Variants in ATRIP observed in about 807,000 individuals in gnomAD.
ATRIP encodes ATR interacting protein.
In ATRIP, 44 loss-of-function variants were observed where a neutral mutation model predicts 78.1. The observed-to-expected ratio is 0.56, with a 90% CI of 0.44 to 0.72. The LOEUF is 0.72. Ranked by LOEUF, ATRIP falls within the 30% of genes least tolerant of loss-of-function variation. The pLI, the probability that ATRIP is intolerant of heterozygous loss-of-function variation, is 0.00. For synonymous variants in ATRIP, 388 were observed against 408.9 expected (o/e 0.95, Z 0.62); for missense variants, 927 against 980.2 (o/e 0.95, Z 0.72).
chr3:48,459,360 T>C lies in ATRIP; in HGVS notation c.831T>C (p.Asp277=). 1 of 1,613,112 alleles carries C rather than the reference T, an allele frequency of 6.2e-7. No homozygotes were observed. The highest frequency in any genetic ancestry group is 8.5e-7 in the Non-Finnish European group (1 of 1,179,130). The change falls in exon 6 of 13, where the codon GAT becomes GAC. Residue 277 remains aspartate, a splice_region_variant and synonymous_variant. Transcript: ENST00000320211. ...GATTTACATTTTATCACATTTCAGA[T>C]AGTAAGCCCCACAGTCTGAGAGGTG... ...SGYKPLVGRE[D]SKPHSLRGDS... is the part of the protein sequence containing the mutation.
At chr3:48,451,545 T>C (rs1225163058) in intron 2 of ATRIP, among the ~76,000 whole-genome samples, 184 bp from the exon 3 acceptor site, 2 of 152,220 alleles carry the variant, frequency 1.3e-5, no homozygotes, top group Non-Finnish European at 2.9e-5. Context: ...TCTTGATGAA[T>C]ATCAGCTGTC....
At position 48,466,603 on chromosome 3, in the gene ATRIP, A is replaced by G; in HGVS notation, c.*1049A>G. ...CTTCGGATCTTAACACTGGGCACTC[A>G]CACACCCACCCCATGCTCCTCTCCA... On this transcript the variant is annotated 3_prime_UTR_variant, in exon 13 of 13. Coordinates refer to ENST00000320211, the MANE Select transcript of ATRIP (RefSeq NM_130384.3). 2 of 1,612,464 alleles carry G rather than the reference A, an allele frequency of 1.2e-6. No homozygotes were observed. Among genetic ancestry groups the G allele is most frequent in the South Asian group, 2.2e-5 (2 of 90,998 alleles).
intron 10 of ATRIP, 130 bp downstream of exon 10, chr3:48,464,262 TA>T: frequency 1.2e-6 from 1 of 859,622 alleles, no homozygotes; most frequent in Middle Eastern, 2.5e-4. Context: ...ATAAAGCAAC[TA>T]AAGAGGTAAA....
intron 2 of ATRIP, 30 bp downstream of exon 2, chr3:48,450,200 C>CTAA (rs1560101859): frequency 1.3e-6 from 2 of 1,594,806 alleles, no homozygotes; most frequent in Non-Finnish European, 1.7e-6. Context: ...GTTTTTGTAG[C>CTAA]TAATTCATTC....
In ATRIP at chr3:48,465,533, C is replaced by A; in HGVS notation, c.2355C>A (p.Asp785Glu). 6.2e-7 allele frequency: 1 copy of A among 1,613,908 alleles called. No individual in the cohort carries two copies. ...DLCAAETDVE[D>E]PEVECG ...GTGCCGCGGAAACCGATGTGGAAGA[C>A]CCCGAGGTGGAGTGTGGCTGAGGCC... Residue 785 changes from aspartate (D) to glutamate (E), a missense_variant, in exon 13 of 13, where the codon GAC becomes GAA. By Grantham distance (45) the Asp-to-Glu change is conservative. Transcript: ENST00000320211.
intron 7 of ATRIP, 65 bp from the exon 8 acceptor site, chr3:48,460,044 TG>T (rs1186228712): frequency 9.7e-6 from 15 of 1,552,492 alleles, no homozygotes; most frequent in Non-Finnish European, 1.1e-5. Context: ...GCAGGCAGGC[TG>T]TTTGGGGCTC....
intron 4 of ATRIP, among the ~76,000 whole-genome samples, chr3:48,456,337 G>A (rs563119051): frequency 1.3e-5 from 2 of 152,004 alleles, no homozygotes; most frequent in South Asian, 2.1e-4. Flanking sequence ...CCAGCATTTT[G>A]GGAAGCTGAG....
intron 1 of ATRIP, 92 bp from the exon 2 acceptor site, chr3:48,449,945 A>G (rs75847705): frequency 3.3e-5 from 14 of 422,084 alleles, no homozygotes; most frequent in African/African-American, 2.7e-4. Context: ...CTCAAAAAAG[A>G]AAAAAAAAAA....
intron 8 of ATRIP, 71 bp from the exon 9 acceptor site, chr3:48,463,674 G>A (rs1210441218): frequency 3.8e-6 from 6 of 1,591,142 alleles, no homozygotes; most frequent in Admixed American, 1.7e-5. Flanking sequence ...GTTACCTCTA[G>A]TGGAGTGTGA....
rs150047731 is a variant in ATRIP at position 48,451,862 on chromosome 3, A to G, written c.515A>G (p.Gln172Arg). 865 of 1,610,894 alleles carry G rather than the reference A, an allele frequency of 5.4e-4. 1 individual carries two copies. Among genetic ancestry groups the G allele is most frequent in the Non-Finnish European group, 6.4e-4 (750 of 1,178,148 alleles). ...SHFLLEQEKTQALSDKEKEFS... is the reference protein window; with the variant it reads ...SHFLLEQEKTRALSDKEKEFS... ...TTTCTTCTTGAGCAAGAGAAAACCCAAGCACTCAGTGACAAGGAAAAGGAA... is the reference window on the plus strand; with the variant it reads ...TTTCTTCTTGAGCAAGAGAAAACCCGAGCACTCAGTGACAAGGAAAAGGAA... The change falls in exon 3 of 13, where the codon CAA (glutamine) becomes CGA (arginine). Residue 172 changes from glutamine to arginine, a missense_variant. Coordinates refer to ENST00000320211, the MANE Select transcript of ATRIP (RefSeq NM_130384.3).
intron 8 of ATRIP, among the ~76,000 whole-genome samples, chr3:48,461,944 G>T (rs1044275488): frequency 1.3e-5 from 2 of 152,152 alleles, no homozygotes; most frequent in Admixed American, 1.3e-4. Context: ...GACCTCAGGT[G>T]ATCCACCTGC....
At chr3:48,454,487 G>A in intron 4 of ATRIP, 69 bp downstream of exon 4, 2 of 1,248,268 alleles carry the variant, frequency 1.6e-6, no homozygotes, top group Non-Finnish European at 2.3e-6. Flanking sequence ...AACAGTGTCA[G>A]GCTGGTCCTA....
chr3:48,465,522 G>C lies in ATRIP; in HGVS notation c.2344G>C (p.Asp782His), dbSNP rs761933313. ...ALDDLCAAET[D>H]VEDPEVECG is the part of the protein sequence containing the mutation. ...GGATGACCTCTGTGCCGCGGAAACCGATGTGGAAGACCCCGAGGTGGAGTG... is the reference window on the plus strand; with the variant it reads ...GGATGACCTCTGTGCCGCGGAAACCCATGTGGAAGACCCCGAGGTGGAGTG... Residue 782 changes from aspartate to histidine, a missense_variant, in exon 13 of 13, where the codon GAT (aspartate) becomes CAT (histidine). Transcript: ENST00000320211. 5 of 1,613,938 alleles carry C rather than the reference G, an allele frequency of 3.1e-6. No homozygotes were observed. The highest frequency in any genetic ancestry group is 2.2e-5 in the East Asian group (1 of 44,880).
Position 48,467,191 on chromosome 3 carries a change from T to TAGGC in ATRIP, c.*1640_*1643dup. 1.9e-6 allele frequency: 3 copies of TAGGC among 1,613,682 alleles called. No homozygotes were observed. Among genetic ancestry groups the TAGGC allele is most frequent in the Non-Finnish European group, 2.5e-6 (3 of 1,179,880 alleles). Reference sequence around the variant, plus strand: ...CACGGCCCAAGGAAGAGCTATAGCCTAGGCAGCATCTACACTCGCCTGTAT... The same window carrying TAGGC: ...CACGGCCCAAGGAAGAGCTATAGCCTAGGCAGGCAGCATCTACACTCGCCTGTAT... On this transcript the variant is annotated 3_prime_UTR_variant, in exon 13 of 13. Coordinates refer to ENST00000320211, the MANE Select transcript of ATRIP (RefSeq NM_130384.3).
chr3:48,450,351 C>G, intron 2 of ATRIP, 181 bp downstream of exon 2: 1 of 1,016,066 alleles, frequency 9.8e-7, no homozygotes. Flanking sequence ...TTGTGAGATT[C>G]CTAATGCCAA....
In ATRIP at chr3:48,465,505, T is replaced by A; in HGVS notation, c.2327T>A (p.Leu776His). 6.2e-7 allele frequency: 1 copy of A among 1,613,910 alleles called. No homozygotes were observed. Among genetic ancestry groups the A allele is most frequent in the East Asian group, 2.2e-5 (1 of 44,870 alleles). Residue 776 changes from leucine to histidine, a missense_variant, in exon 13 of 13, where the codon CTC (leucine) becomes CAC (histidine). Transcript: ENST00000320211. ...TDCEEAALDD[L>H]CAAETDVEDP... ...GTCTCAGAGGCAGCCCTGGATGACC[T>A]CTGTGCCGCGGAAACCGATGTGGAA... is the stretch of plus-strand genomic sequence containing the variant.
In ATRIP at chr3:48,447,090, C is replaced by G. The variant is rs1456625342; in HGVS notation, c.245C>G (p.Ser82Cys). The change falls in exon 1 of 13, where the codon TCC becomes TGC. Residue 82 changes from serine (S) to cysteine (C), a missense_variant and splice_region_variant. Coordinates refer to ENST00000320211, the MANE Select transcript of ATRIP (RefSeq NM_130384.3). ...SQCPAAARDV[S>C]SDHKVHRLLD... ...TGTCCGGCCGCGGCTCGGGACGTGTCCAGTGAGTGCTCCTCGCGGCCTTTT... is the reference window on the plus strand; with the variant it reads ...TGTCCGGCCGCGGCTCGGGACGTGTGCAGTGAGTGCTCCTCGCGGCCTTTT... The G allele has an allele frequency of 1.3e-6, 2 of 1,532,030 alleles. No homozygotes were observed. Among genetic ancestry groups the G allele is most frequent in the African/African-American group, 1.4e-5 (1 of 69,852 alleles). 94.9% of individuals were successfully genotyped at this position (1,532,030 alleles called of 1,614,324 possible).
At chr3:48,459,485 C>T (rs752563462) in intron 6 of ATRIP, 31 bp downstream of exon 6, 2 of 1,574,852 alleles carry the variant, frequency 1.3e-6, no homozygotes, top group Admixed American at 1.7e-5. Context: ...CCTGCAGGGG[C>T]CTGCATGGCT....
intron 4 of ATRIP, 70 bp downstream of exon 4, chr3:48,454,488 G>A: frequency 8.0e-7 from 1 of 1,242,940 alleles, no homozygotes; most frequent in Non-Finnish European, 1.2e-6. Flanking sequence ...ACAGTGTCAG[G>A]CTGGTCCTAA....
Sources: allele counts gnomAD v4.1 joint callset (sites outside exome capture counted in the v4.1 genomes callset), GRCh38; gene constraint gnomAD v4.1.1; transcripts MANE v1.5; gene names NCBI Gene and HGNC (gene_info 2026-07-23, HGNC 2026-07-21).